SATB2: variants seen among roughly 807,000 people sequenced by gnomAD.
SATB2 encodes the protein SATB homeobox 2, also known as DNA-binding protein SATB2.
Under a neutral mutation model 73.4 loss-of-function variants are expected in SATB2, and 1 was observed. The observed-to-expected ratio is 0.01, with a 90% CI of 0.00 to 0.06. The LOEUF is 0.06. SATB2 is among the 10% of genes least tolerant of loss of function. SATB2 has a pLI of 1.00. For missense variants in SATB2, 459 were observed against 945.8 expected (o/e 0.49, Z 6.75); for synonymous variants, 397 against 367.0 (o/e 1.08, Z -0.93).
intron 6 of SATB2, among the ~76,000 whole-genome samples, chr2:199,367,041 C>T (rs979711088): frequency 2.6e-5 from 4 of 152,108 alleles, no homozygotes; most frequent in Non-Finnish European, 5.9e-5. Context: ...CTTACTTTCT[C>T]TTATAACAGC....
At chr2:199,423,916 G>A (rs931093522) in intron 3 of SATB2, 1 of 152,196 alleles carries the variant, frequency 6.6e-6, no homozygotes, top group Admixed American at 6.5e-5. Flanking sequence ...GACAGAAAGA[G>A]TATCTTGGAA....
At chr2:199,378,394 C>T (rs371376053) in intron 5 of SATB2, among the ~76,000 whole-genome samples, 3 of 152,186 alleles carry the variant, frequency 2.0e-5, no homozygotes, top group African/African-American at 4.8e-5. Flanking sequence ...TTATTGACAG[C>T]TTTTCCTAAC....
At chr2:199,351,471 C>T (rs529265008) in intron 6 of SATB2, among the ~76,000 whole-genome samples, 7 of 152,256 alleles carry the variant, frequency 4.6e-5, no homozygotes, top group South Asian at 4.1e-4. Context: ...ATTTGTTTTA[C>T]GTATCACCTT....
intron 7 of SATB2, chr2:199,347,484 T>TA (rs1281911441): frequency 6.6e-6 from 1 of 152,174 alleles, no homozygotes; most frequent in African/African-American, 2.4e-5. Context: ...TGTACTTTAT[T>TA]AATCCTTCAA....
chr2:199,379,962 C>T (rs1461688368), intron 5 of SATB2, among the ~76,000 whole-genome samples: 1 of 152,002 alleles, frequency 6.6e-6, no homozygotes, highest in Non-Finnish European at 1.5e-5. Context: ...TGGCTGACTG[C>T]AATCTCCACC....
intron 3 of SATB2, among the ~76,000 whole-genome samples, chr2:199,388,338 G>A (rs1690021757): frequency 1.3e-5 from 2 of 152,270 alleles, no homozygotes; most frequent in East Asian, 1.9e-4. Flanking sequence ...ACATAGCTAA[G>A]TGAAACCATT....
intron 8 of SATB2, among the ~76,000 whole-genome samples, chr2:199,324,809 C>T (rs998123222): frequency 6.6e-6 from 1 of 152,136 alleles, no homozygotes; most frequent in African/African-American, 2.4e-5. Context: ...AGGGCTGAGA[C>T]ATTTTCTTAG....
rs1248733623 is a variant in SATB2 at position 199,294,242 on chromosome 2, A to AT, written c.1740+14517dup. 2.6e-5 allele frequency among the ~76,000 whole-genome samples: 4 copies of AT among 152,166 alleles called. No homozygotes were observed. In the East Asian group the frequency reaches 5.8e-4, roughly 22 times the overall value. The stretch of plus-strand genomic sequence containing the variant: ...GGTATAAAGTACTACTCTGCTTCAT[A>AT]TATACAAATATATAGAGATCATCAA... On this transcript the variant is annotated intron_variant, in intron 10 of 10. Transcript: ENST00000417098.
chr2:199,430,209 G>T (rs148504597), intron 3 of SATB2, among the ~76,000 whole-genome samples: 2 of 152,286 alleles, frequency 1.3e-5, no homozygotes, highest in Non-Finnish European at 2.9e-5. Flanking sequence ...AGAAAGAATA[G>T]TAAAGGAAGT....
At chr2:199,282,663 G>T (rs1692560502) in intron 10 of SATB2, among the ~76,000 whole-genome samples, 1 of 152,136 alleles carries the variant, frequency 6.6e-6, no homozygotes, top group African/African-American at 2.4e-5. Context: ...TCAATTAGTA[G>T]TAGTTATTAC....
At chr2:199,355,291 T>C (rs1210566220) in intron 6 of SATB2, among the ~76,000 whole-genome samples, 1 of 149,878 alleles carries the variant, frequency 6.7e-6, no homozygotes, top group Non-Finnish European at 1.5e-5. Context: ...TATATATGTG[T>C]ATATATACAA....
intron 3 of SATB2, among the ~76,000 whole-genome samples, chr2:199,384,058 G>A (rs1421759208): frequency 1.3e-5 from 2 of 152,100 alleles, no homozygotes; most frequent in Non-Finnish European, 2.9e-5. Flanking sequence ...TTTTAGAGAG[G>A]GGAGGGAGAG....
intron 6 of SATB2, among the ~76,000 whole-genome samples, chr2:199,358,497 G>T (rs909017852): frequency 6.6e-6 from 1 of 152,080 alleles, no homozygotes; most frequent in Non-Finnish European, 1.5e-5. Context: ...CAAAAAACTT[G>T]CCACCAAACC....
intron 10 of SATB2, among the ~76,000 whole-genome samples, chr2:199,294,145 A>C (rs1391865092): frequency 6.6e-6 from 1 of 152,172 alleles, no homozygotes; most frequent in African/African-American, 2.4e-5. Flanking sequence ...ATGAAATAGA[A>C]ACTGATTACA....
At chr2:199,449,914 G>T (rs1341111563) in intron 2 of SATB2, among the ~76,000 whole-genome samples, 1 of 152,060 alleles carries the variant, frequency 6.6e-6, no homozygotes, top group African/African-American at 2.4e-5. Flanking sequence ...TTGCTACAAA[G>T]AAAAGAATAG....
At chr2:199,450,247 TAA>T (rs1692084975) in intron 2 of SATB2, among the ~76,000 whole-genome samples, 1 of 152,100 alleles carries the variant, frequency 6.6e-6, no homozygotes, top group Non-Finnish European at 1.5e-5. Flanking sequence ...TTTATCAAAA[TAA>T]AGAGTGATGA....
At chr2:199,323,709 A>T in intron 9 of SATB2, 94 bp downstream of exon 9, 1 of 1,255,292 alleles carries the variant, frequency 8.0e-7, no homozygotes, top group Admixed American at 1.8e-5. Flanking sequence ...TATTACTGTT[A>T]TTATTATTAT....
At chr2:199,316,230 G>A (rs569790177) in intron 9 of SATB2, among the ~76,000 whole-genome samples, 11 of 151,248 alleles carry the variant, frequency 7.3e-5, no homozygotes, top group Non-Finnish European at 1.2e-4. Flanking sequence ...TTGTTTCTTC[G>A]TCACCGAATT....
intron 6 of SATB2, among the ~76,000 whole-genome samples, chr2:199,366,445 T>C (rs1689287453): frequency 6.6e-6 from 1 of 152,114 alleles, no homozygotes; most frequent in Non-Finnish European, 1.5e-5. Context: ...TCCCTTTTTC[T>C]GAGGGTCGAA....
Sources: allele counts gnomAD v4.1 joint callset (sites outside exome capture counted in the v4.1 genomes callset), GRCh38; gene constraint gnomAD v4.1.1; transcripts MANE v1.5; gene names NCBI Gene and HGNC (gene_info 2026-07-23, HGNC 2026-07-21).